NBEA: variants seen among roughly 807,000 people sequenced by gnomAD.
The protein encoded by NBEA is lysosomal-trafficking regulator 2.
Under a neutral mutation model 343.4 loss-of-function variants are expected in NBEA, and 44 were observed. The ratio of observed to expected loss-of-function variants is 0.13; its 90% CI spans 0.10 to 0.16. The LOEUF is 0.16. NBEA is among the 10% of genes least tolerant of loss of function. The probability of loss-of-function intolerance (pLI) is 1.00; values close to 1 mark genes in which losing one functional copy is unlikely to be tolerated. For missense variants in NBEA, 2,555 were observed against 3,631.3 expected (o/e 0.70, Z 7.62); for synonymous variants, 1,175 against 1,238.7 (o/e 0.95, Z 1.08).
intron 34 of NBEA, among the ~76,000 whole-genome samples, chr13:35,248,276 T>G (rs942390996): frequency 6.6e-6 from 1 of 152,212 alleles, no homozygotes; most frequent in Non-Finnish European, 1.5e-5. Context: ...GTAAATTTTA[T>G]TACTGAAATG....
intron 38 of NBEA, among the ~76,000 whole-genome samples, chr13:35,396,672 T>C (rs2084146430): frequency 2.0e-5 from 3 of 152,220 alleles, no homozygotes; most frequent in Admixed American, 6.5e-5. Flanking sequence ...CTCCAAATTT[T>C]CCTCACCTCC....
intron 49 of NBEA, among the ~76,000 whole-genome samples, chr13:35,637,818 T>C (rs1030456423): frequency 1.3e-4 from 18 of 142,502 alleles, no homozygotes; most frequent in Admixed American, 1.2e-3. Flanking sequence ...CAAGACTCCA[T>C]CTCAAAAAAG....
At position 35,581,194 on chromosome 13, in the gene NBEA, C is replaced by T. The variant is rs567596928; in HGVS notation, c.7036-2704C>T. 3.3e-5 allele frequency among the ~76,000 whole-genome samples: 5 copies of T among 152,200 alleles called. No homozygotes were observed. The East Asian group carries it at 9.7e-4, about 29-fold the overall frequency. ...CAGTTCTAGATCCTTGAGGAATCGC[C>T]ACACTGACTTCCACAATGGTTGAAC... On this transcript the variant is annotated intron_variant, in intron 45 of 58. Transcript: ENST00000379939.
chr13:35,054,779 G>A (rs1352367146), intron 6 of NBEA, among the ~76,000 whole-genome samples: 30 of 151,596 alleles, frequency 2.0e-4, no homozygotes, highest in African/African-American at 4.4e-4. Flanking sequence ...TGGTAGCTGG[G>A]ATTACAGGCA....
chr13:35,579,254 A>G (rs981207009), intron 45 of NBEA, among the ~76,000 whole-genome samples: 2 of 152,136 alleles, frequency 1.3e-5, no homozygotes, highest in African/African-American at 4.8e-5. Flanking sequence ...TTGACCATTC[A>G]TCAGATCAAT....
intron 28 of NBEA, among the ~76,000 whole-genome samples, chr13:35,178,444 A>G (rs1593627466): frequency 1.3e-5 from 2 of 151,806 alleles, no homozygotes; most frequent in Admixed American, 6.6e-5. Context: ...TTAAGCATAT[A>G]TTTTTGAAGG....
At chr13:35,147,018 C>T (rs942633241) in intron 18 of NBEA, among the ~76,000 whole-genome samples, 1 of 152,200 alleles carries the variant, frequency 6.6e-6, no homozygotes, top group Non-Finnish European at 1.5e-5. Flanking sequence ...CAAGGCATCT[C>T]TGGAACAAAG....
At chr13:35,601,064 C>G (rs2082021219) in intron 47 of NBEA, among the ~76,000 whole-genome samples, 1 of 152,076 alleles carries the variant, frequency 6.6e-6, no homozygotes, top group Non-Finnish European at 1.5e-5. Context: ...GTAATCCCAG[C>G]TACTCGGGAT....
At chr13:35,037,688 GTCTC>G (rs947838465) in intron 1 of NBEA, among the ~76,000 whole-genome samples, 10 of 152,206 alleles carry the variant, frequency 6.6e-5, no homozygotes, top group African/African-American at 2.4e-4. Flanking sequence ...AGCACACAGA[GTCTC>G]TCTCTCTTTC....
intron 49 of NBEA, among the ~76,000 whole-genome samples, chr13:35,636,739 A>G (rs1334692397): frequency 6.6e-6 from 1 of 152,190 alleles, no homozygotes; most frequent in Non-Finnish European, 1.5e-5. Flanking sequence ...ACCTGTGGTA[A>G]AGGATTTGTG....
intron 1 of NBEA, among the ~76,000 whole-genome samples, chr13:34,966,621 GTTTT>G (rs796166986): frequency 7.6e-6 from 1 of 131,428 alleles, no homozygotes; most frequent in Admixed American, 7.6e-5. Flanking sequence ...CTGAGCCTGT[GTTTT>G]TTTTTTTTTT....
chr13:35,625,453 CAATACAAA>C (rs1266878208), intron 48 of NBEA, among the ~76,000 whole-genome samples: 2 of 151,854 alleles, frequency 1.3e-5, no homozygotes, highest in African/African-American at 4.8e-5. Flanking sequence ...CCTGTCCCTG[CAATACAAA>C]AATACAAAAA....
In NBEA at chr13:35,117,502, AT is replaced by A; in HGVS notation, c.2082+13del. 1 of 1,208,608 alleles carries A rather than the reference AT, an allele frequency of 8.3e-7. No homozygotes were observed. The highest frequency in any genetic ancestry group is 1.1e-6 in the Non-Finnish European group (1 of 923,974). 74.9% of individuals were successfully genotyped at this position (1,208,608 alleles called of 1,614,324 possible). On this transcript the variant is annotated intron_variant, in intron 14 of 58. Coordinates refer to ENST00000379939, the MANE Select transcript of NBEA (RefSeq NM_001385012.1). ...AACAGCTGATACTAAAGGTAAAATAATTTTATATAATTTAAAATAATAGTAT... is the reference window on the plus strand; with the variant it reads ...AACAGCTGATACTAAAGGTAAAATAATTTATATAATTTAAAATAATAGTAT...
intron 1 of NBEA, among the ~76,000 whole-genome samples, chr13:35,031,545 A>C (rs1284461628): frequency 2.6e-5 from 4 of 151,422 alleles, no homozygotes; most frequent in African/African-American, 9.7e-5. Context: ...GAGAACTGAT[A>C]ATTGCTAACT....
At chr13:35,287,676 T>G (rs2035520970) in intron 34 of NBEA, among the ~76,000 whole-genome samples, 1 of 152,060 alleles carries the variant, frequency 6.6e-6, no homozygotes, top group Non-Finnish European at 1.5e-5. Context: ...TCATTCACCT[T>G]TGAATTGACC....
chr13:35,669,554 AT>A (rs1420229182), intron 58 of NBEA, among the ~76,000 whole-genome samples: 4 of 152,326 alleles, frequency 2.6e-5, no homozygotes, highest in African/African-American at 9.6e-5. Flanking sequence ...GTTTAAGGTT[AT>A]TATTGGAGTA....
chr13:35,255,719 C>G (rs575662095), intron 34 of NBEA, among the ~76,000 whole-genome samples: 1 of 152,356 alleles, frequency 6.6e-6, no homozygotes, highest in East Asian at 1.9e-4. Context: ...GCCCCTAGGT[C>G]TGGGCTCCCT....
chr13:35,328,178 A>T (rs965573809), intron 36 of NBEA, among the ~76,000 whole-genome samples: 1 of 152,028 alleles, frequency 6.6e-6, no homozygotes, highest in Non-Finnish European at 1.5e-5. Context: ...AAGTCACAGG[A>T]TACAGGACCA....
At chr13:34,990,958 G>C (rs2060730216) in intron 1 of NBEA, among the ~76,000 whole-genome samples, 1 of 152,114 alleles carries the variant, frequency 6.6e-6, no homozygotes, top group African/African-American at 2.4e-5. Flanking sequence ...AGATCTCTAG[G>C]GCAGGTGCAG....
Sources: allele counts gnomAD v4.1 joint callset (sites outside exome capture counted in the v4.1 genomes callset), GRCh38; gene constraint gnomAD v4.1.1; transcripts MANE v1.5; gene names NCBI Gene and HGNC (gene_info 2026-07-23, HGNC 2026-07-21).